The following DPPA4 variants were observed in gnomAD, a reference collection of about 807,000 sequenced individuals.
DPPA4 encodes the protein developmental pluripotency associated 4.
DPPA4 carries 22 observed loss-of-function variants against 33.7 expected under a neutral mutation model. The ratio of observed to expected loss-of-function variants is 0.65; its 90% CI spans 0.47 to 0.93. The LOEUF is 0.93. Ranked by LOEUF, DPPA4 falls within the 40% of genes least tolerant of loss-of-function variation. The pLI, the probability that DPPA4 is intolerant of heterozygous loss-of-function variation, is 0.00. For missense variants in DPPA4, 340 were observed against 358.6 expected, an observed-to-expected ratio of 0.95 and a Z score of 0.42; for synonymous variants, 156 against 132.3, an observed-to-expected ratio of 1.18 and a Z score of -1.23.
At chr3:109,333,749 G>T in intron 2 of DPPA4, 121 bp downstream of exon 2, 1 of 1,198,428 alleles carries the variant, frequency 8.3e-7, no homozygotes, top group Non-Finnish European at 1.2e-6. Context: ...TGGCTTCCAT[G>T]AAGTGCAGGA....
Position 109,327,351 on chromosome 3 carries a change from A to G in DPPA4, c.*637T>C, listed in dbSNP as rs1331847375. ...CTACCATTTTACTCAAGTCCATCAC[A>G]ATGCTTAGCTGAAGAACTCACTTAA... On this transcript the variant is annotated 3_prime_UTR_variant, in exon 7 of 7. Transcript: ENST00000335658. 6.6e-6 allele frequency: 1 copy of G among 152,204 alleles called. No homozygotes were observed. The allele number at this position is 152,204 out of a possible 1,614,324, so 9.4% of individuals were successfully genotyped here. A position where few individuals can be genotyped will look rare whatever the true frequency, so the allele number is the denominator to read the frequency against.
At position 109,329,029 on chromosome 3, in the gene DPPA4, G is replaced by T; in HGVS notation, c.739C>A (p.His247Asn). 1 of 1,614,090 alleles carries T rather than the reference G, an allele frequency of 6.2e-7. No individual in the cohort carries two copies. The highest frequency in any genetic ancestry group is 8.5e-7 in the Non-Finnish European group (1 of 1,180,042). ...SLPADTDGWV[H>N]LQFHAGQAWV... ...GCTTGACCAGCATGAAACTGCAGGT[G>T]AACCCAACCATCTGTGTCTGCAGGG... Residue 247 changes from histidine (H) to asparagine (N), a missense_variant, in exon 6 of 7, where the codon CAC becomes AAC. Around this residue, in one of 3 missense-constraint regions of DPPA4, gnomAD observed 212 missense variants for 206.5 expected, o/e 1.03. Coordinates refer to ENST00000335658, the MANE Select transcript of DPPA4 (RefSeq NM_018189.4).
chr3:109,336,982 C>T (rs576522905), intron 1 of DPPA4, among the ~76,000 whole-genome samples: 1 of 152,314 alleles, frequency 6.6e-6, no homozygotes, highest in Non-Finnish European at 1.5e-5. Flanking sequence ...CTCACCGCAA[C>T]CCCCGACTCC....
intron 1 of DPPA4, among the ~76,000 whole-genome samples, chr3:109,335,389 G>A (rs1175189436): frequency 1.1e-4 from 16 of 152,302 alleles, no homozygotes. Flanking sequence ...GCTCCCCAAA[G>A]AGTTGGGATT....
Position 109,330,811 on chromosome 3 carries a change from T to G in DPPA4, c.392A>C (p.Asp131Ala), listed in dbSNP as rs200092233. 6.3e-7 allele frequency: 1 copy of G among 1,595,054 alleles called. No individual in the cohort carries two copies. Among genetic ancestry groups the G allele is most frequent in the Admixed American group, 1.8e-5 (1 of 55,310 alleles). The change falls in exon 5 of 7, where the codon GAT becomes GCT. Residue 131 changes from aspartate to alanine, a missense_variant and splice_region_variant. Asp to Ala is a moderately radical substitution (Grantham distance 126, BLOSUM62 -2). Around this residue, in one of 3 missense-constraint regions of DPPA4, gnomAD observed 212 missense variants for 206.5 expected, o/e 1.03. Coordinates refer to ENST00000335658, the MANE Select transcript of DPPA4 (RefSeq NM_018189.4). ...LCAFAYPNQK[D>A]FPSTAKEAKI... ...GGCCTCTTTTGCTGTGCTAGGAAAA[T>G]CCTACAAAAAGGGTTAAATAATAAA... is the stretch of plus-strand genomic sequence containing the variant.
rs762777999 is a variant in DPPA4, at chr3:109,330,459, G to C, written c.679+65C>G. On this transcript the variant is annotated intron_variant, in intron 5 of 6. Coordinates refer to ENST00000335658, the MANE Select transcript of DPPA4 (RefSeq NM_018189.4). ...TTTTGATATACCCTAAAATGTACCA[G>C]TGATTAATATCTACTAAGCTTATTT... is the stretch of plus-strand genomic sequence containing the variant. 23 of 1,577,290 alleles carry C rather than the reference G, an allele frequency of 1.5e-5. No individual in the cohort carries two copies. The Admixed American group carries it at 3.7e-4, about 25-fold the overall frequency.
rs763219306 is a variant in DPPA4 at position 109,330,724 on chromosome 3, C to T, written c.479G>A (p.Ser160Asn). The T allele has an allele frequency of 4.3e-6, 7 of 1,614,176 alleles. No homozygotes were observed. In the South Asian group the frequency reaches 7.7e-5, roughly 18 times the overall value. The change falls in exon 5 of 7, where the codon AGT becomes AAT. Residue 160 changes from serine (S) to asparagine (N), a missense_variant. Ser to Asn is a conservative substitution (Grantham distance 46). Transcript: ENST00000335658. The part of the protein sequence containing the change: ...KVEKGETSLQ[S>N]SETHPPEVAL... ...CACTTCAGGAGGATGTGTCTCAGAACTTTGCAGGGACGTTTCCCCCTTTTC... is the reference window on the plus strand; with the variant it reads ...CACTTCAGGAGGATGTGTCTCAGAATTTTGCAGGGACGTTTCCCCCTTTTC...
chr3:109,332,875 T>G (rs138421649), intron 2 of DPPA4, among the ~76,000 whole-genome samples: 343 of 152,042 alleles, frequency 2.3e-3, no homozygotes, highest in African/African-American at 7.5e-3. Context: ...GTGGATAACC[T>G]GAGGTCAGGA....
At chr3:109,331,215 TTGCAGCCTGAAC>T in intron 4 of DPPA4, among the ~76,000 whole-genome samples, 1 of 124,400 alleles carries the variant, frequency 8.0e-6, no homozygotes, top group South Asian at 2.7e-4. Context: ...GAGGCAGAGG[TTGCAGCCTGAAC>T]TGCAGCCTAA....
At chr3:109,336,866 C>A (rs1708225556) in intron 1 of DPPA4, among the ~76,000 whole-genome samples, 2 of 152,134 alleles carry the variant, frequency 1.3e-5, no homozygotes, top group Admixed American at 1.3e-4. Context: ...AAAAGTGAAA[C>A]CCTGTTCCAA....
chr3:109,333,252 G>A (rs1379488916), intron 2 of DPPA4: 1 of 149,076 alleles, frequency 6.7e-6, no homozygotes, highest in Admixed American at 6.8e-5. Flanking sequence ...TGAGACAGGA[G>A]AATTGCTTGA....
At chr3:109,337,095 T>C (rs917982402) in intron 1 of DPPA4, among the ~76,000 whole-genome samples, 2 of 151,826 alleles carry the variant, frequency 1.3e-5, no homozygotes, top group African/African-American at 4.8e-5. Flanking sequence ...AGACGGGGTT[T>C]CTCCATTTTG....
chr3:109,327,825 G>T lies in DPPA4; in HGVS notation c.*163C>A. On this transcript the variant is annotated 3_prime_UTR_variant, in exon 7 of 7. Coordinates refer to ENST00000335658, the MANE Select transcript of DPPA4 (RefSeq NM_018189.4). ...CTCTATCTCCACTCACAAAGCAACA[G>T]GCACTGCTAGGGGTCTTAGGCTAAC... 1.8e-6 allele frequency: 1 copy of T among 541,912 alleles called. No homozygotes were observed. Among genetic ancestry groups the T allele is most frequent in the Non-Finnish European group, 3.3e-6 (1 of 303,518 alleles). The allele number at this position is 541,912 out of a possible 1,614,324, so 33.6% of individuals were successfully genotyped here.
At position 109,326,441 on chromosome 3, in the gene DPPA4, G is replaced by C. The variant is rs1707936513; in HGVS notation, c.*1547C>G. 1 of 152,052 alleles carries C rather than the reference G, an allele frequency of 6.6e-6. No individual in the cohort carries two copies. The highest frequency in any genetic ancestry group is 1.5e-5 in the Non-Finnish European group (1 of 67,996). The allele number at this position is 152,052 out of a possible 1,614,324, so 9.4% of individuals were successfully genotyped here. A position where few individuals can be genotyped will look rare whatever the true frequency, so the allele number is the denominator to read the frequency against. ...GGCGGGCAGGAGAGAAGAACATCTT[G>C]CTTCTCAACAAACTTTCCTCCCTTG... On this transcript the variant is annotated 3_prime_UTR_variant, in exon 7 of 7. Coordinates refer to ENST00000335658, the MANE Select transcript of DPPA4 (RefSeq NM_018189.4).
In DPPA4 at chr3:109,330,547, A is replaced by T; in HGVS notation, c.656T>A (p.Val219Glu). ...ISARARTPEA[V>E]ESPQEASGVR... ...ACCAGAGGCCTCTTGTGGAGATTCC[A>T]CTGCCTCTGGTGTCCTCGCCCTGGC... Residue 219 changes from valine to glutamate, a missense_variant, in exon 5 of 7, where the codon GTG becomes GAG. By Grantham distance (121) the Val-to-Glu change is moderately radical. Around this residue, in one of 3 missense-constraint regions of DPPA4, gnomAD observed 212 missense variants for 206.5 expected, o/e 1.03. Coordinates refer to ENST00000335658, the MANE Select transcript of DPPA4 (RefSeq NM_018189.4). 6.2e-7 allele frequency: 1 copy of T among 1,613,678 alleles called. No homozygotes were observed. Among genetic ancestry groups the T allele is most frequent in the Non-Finnish European group, 8.5e-7 (1 of 1,179,914 alleles).
intron 4 of DPPA4, 99 bp downstream of exon 4, chr3:109,331,635 G>A: frequency 4.2e-6 from 4 of 962,648 alleles, no homozygotes; most frequent in Non-Finnish European, 6.4e-6. Flanking sequence ...ACTAGGGGTG[G>A]AGGAACAAGG....
chr3:109,332,642 C>T (rs1341149747), intron 2 of DPPA4, among the ~76,000 whole-genome samples: 1 of 152,164 alleles, frequency 6.6e-6, no homozygotes, highest in Non-Finnish European at 1.5e-5. Flanking sequence ...AAAATCAACA[C>T]CTGACAATGC....
intron 4 of DPPA4, 32 bp from the exon 5 acceptor site, chr3:109,330,844 A>G (rs184038650): frequency 1.6e-4 from 243 of 1,540,104 alleles, no homozygotes; most frequent in East Asian, 3.4e-4. Flanking sequence ...AAAGATAAAA[A>G]TACAGATTAA....
In DPPA4 at chr3:109,333,754, G is replaced by A. The variant is rs368221397; in HGVS notation, c.178+116C>T. Reference sequence around the variant, plus strand: ...AGTTTAAGCTTGGCTTCCATGAAGTGCAGGATTTGCACAATACATGATGGA... The same window carrying A: ...AGTTTAAGCTTGGCTTCCATGAAGTACAGGATTTGCACAATACATGATGGA... On this transcript the variant is annotated intron_variant, in intron 2 of 6. Transcript: ENST00000335658. 3.2e-5 allele frequency: 40 copies of A among 1,257,418 alleles called. No individual in the cohort carries two copies. The South Asian group carries it at 5.2e-4, about 16-fold the overall frequency. 77.9% of individuals were successfully genotyped at this position (1,257,418 alleles called of 1,614,324 possible). A position where few individuals can be genotyped will look rare whatever the true frequency, so the allele number is the denominator to read the frequency against.
Sources: allele counts gnomAD v4.1 joint callset (sites outside exome capture counted in the v4.1 genomes callset), GRCh38; gene constraint gnomAD v4.1.1; regional missense constraint gnomAD v4.1.1; transcripts MANE v1.5; gene names NCBI Gene and HGNC (gene_info 2026-07-23, HGNC 2026-07-21).